CTNND2: variants seen among roughly 807,000 people sequenced by gnomAD.
CTNND2 encodes the protein catenin delta-2.
In CTNND2, 22 loss-of-function variants were observed where a neutral mutation model predicts 144.4. That is an observed-to-expected ratio of 0.15 (90% CI 0.11 to 0.22). The LOEUF (loss-of-function observed/expected upper bound fraction) is 0.22. Among genes scored for constraint, CTNND2 ranks in the 10% least tolerant of loss-of-function variants. The pLI, the probability that CTNND2 is intolerant of heterozygous loss-of-function variation, is 1.00. For missense variants in CTNND2, 1,353 were observed against 1,618.8 expected, an observed-to-expected ratio of 0.84 and a Z score of 2.82; for synonymous variants, 751 against 695.6, an observed-to-expected ratio of 1.08 and a Z score of -1.25.
At chr5:11,616,321 C>T (rs1780578333) in intron 2 of CTNND2, among the ~76,000 whole-genome samples, 1 of 152,160 alleles carries the variant, frequency 6.6e-6, no homozygotes, top group Admixed American at 6.5e-5. Flanking sequence ...TTTTCTCATG[C>T]ATTTACATTT....
At chr5:11,156,800 C>A (rs891186918) in intron 12 of CTNND2, among the ~76,000 whole-genome samples, 4 of 152,110 alleles carry the variant, frequency 2.6e-5, no homozygotes, top group African/African-American at 7.2e-5. Context: ...TAGGTCCTAG[C>A]AGGGAAGAAT....
chr5:11,070,053 C>T (rs573671097), intron 16 of CTNND2, among the ~76,000 whole-genome samples: 5 of 152,112 alleles, frequency 3.3e-5, no homozygotes, highest in South Asian at 2.1e-4. Flanking sequence ...ATAAAACGTC[C>T]GGCATACAAT....
intron 1 of CTNND2, among the ~76,000 whole-genome samples, chr5:11,797,778 T>C (rs1791476154): frequency 6.6e-6 from 1 of 152,220 alleles, no homozygotes; most frequent in Non-Finnish European, 1.5e-5. Context: ...TATCTATGTA[T>C]ATGAATAGTC....
chr5:11,129,304 A>ATATATAAATATATATAATATATAT (rs1561353985), intron 12 of CTNND2, among the ~76,000 whole-genome samples: 10 of 12,446 alleles, frequency 8.0e-4, no homozygotes, highest in African/African-American at 1.9e-3. Flanking sequence ...AATATATATT[A>ATATATAAATATATATAATATATAT]TATATATAAA....
At position 11,013,849 on chromosome 5, in the gene CTNND2, G is replaced by A. The variant is rs115220430; in HGVS notation, c.3084+4125C>T. Among the ~76,000 whole-genome samples the A allele has an allele frequency of 3.3e-3, 502 of 152,252 alleles. 3 individuals are homozygous for A. The highest frequency in any genetic ancestry group is 0.011 in the African/African-American group (477 of 41,566). Reference sequence around the variant, plus strand: ...GGCGATGGGACTGAGCTCTCACCCCGGGGTGTGAGCCCGAGACTGGCAACT... The same window carrying A: ...GGCGATGGGACTGAGCTCTCACCCCAGGGTGTGAGCCCGAGACTGGCAACT... On this transcript the variant is annotated intron_variant, in intron 18 of 21. Coordinates refer to ENST00000304623, the MANE Select transcript of CTNND2 (RefSeq NM_001332.4).
chr5:11,723,267 A>C (rs1460562127), intron 2 of CTNND2, among the ~76,000 whole-genome samples: 1 of 152,240 alleles, frequency 6.6e-6, no homozygotes, highest in Non-Finnish European at 1.5e-5. Context: ...AAAAAAGACA[A>C]AGACACATTT....
chr5:11,695,891 T>A (rs1422128111), intron 2 of CTNND2, among the ~76,000 whole-genome samples: 4 of 152,240 alleles, frequency 2.6e-5, no homozygotes, highest in Non-Finnish European at 5.9e-5. Context: ...ATCACTTAAC[T>A]ATATAATGAG....
intron 9 of CTNND2, among the ~76,000 whole-genome samples, chr5:11,259,140 A>C (rs1334726871): frequency 6.6e-6 from 1 of 152,186 alleles, no homozygotes; most frequent in East Asian, 1.9e-4. Context: ...TGAAAAACGA[A>C]AACTCAAGAC....
At chr5:11,034,502 C>T (rs1007414248) in intron 16 of CTNND2, among the ~76,000 whole-genome samples, 2 of 152,184 alleles carry the variant, frequency 1.3e-5, no homozygotes, top group African/African-American at 2.4e-5. Flanking sequence ...CACATATATG[C>T]GCTTCAAATA....
At chr5:11,596,037 G>T (rs1163998193) in intron 2 of CTNND2, among the ~76,000 whole-genome samples, 1 of 152,112 alleles carries the variant, frequency 6.6e-6, no homozygotes, top group Non-Finnish European at 1.5e-5. Flanking sequence ...ATGCACACAC[G>T]CAAGCGCAAC....
At chr5:11,628,815 A>T (rs931292887) in intron 2 of CTNND2, among the ~76,000 whole-genome samples, 1 of 152,058 alleles carries the variant, frequency 6.6e-6, no homozygotes, top group Non-Finnish European at 1.5e-5. Context: ...GAAGACTCGG[A>T]AAAACACAAA....
chr5:11,203,847 C>T (rs545957256), intron 10 of CTNND2, among the ~76,000 whole-genome samples: 24 of 152,250 alleles, frequency 1.6e-4, no homozygotes, highest in East Asian at 5.8e-4. Context: ...GAATTACATA[C>T]GGGGAAATGA....
At chr5:11,179,769 A>ATGTAATTGGCTTGGAGAT (rs1760825124) in intron 11 of CTNND2, among the ~76,000 whole-genome samples, 1 of 152,350 alleles carries the variant, frequency 6.6e-6, no homozygotes, top group African/African-American at 2.4e-5. Flanking sequence ...TATTTAAAAA[A>ATGTAATTGGCTTGGAGAT]ATATGTAATT....
chr5:11,589,227 C>T (rs982418566), intron 2 of CTNND2, among the ~76,000 whole-genome samples: 3 of 150,924 alleles, frequency 2.0e-5, no homozygotes, highest in Non-Finnish European at 3.0e-5. Flanking sequence ...TCTAATCTTC[C>T]GTTCCTTTGC....
intron 16 of CTNND2, among the ~76,000 whole-genome samples, chr5:11,033,854 C>T (rs1397919770): frequency 1.3e-5 from 2 of 151,948 alleles, no homozygotes; most frequent in South Asian, 4.2e-4. Flanking sequence ...ACAACAACAA[C>T]ATCTTTCACA....
chr5:11,325,268 T>A, intron 9 of CTNND2, among the ~76,000 whole-genome samples: 1 of 152,096 alleles, frequency 6.6e-6, no homozygotes, highest in Non-Finnish European at 1.5e-5. Flanking sequence ...TGCCTTGATA[T>A]TTCATTAAAC....
rs1735945518 is a variant in CTNND2, at chr5:10,972,515, T to G, written c.*938A>C. On this transcript the variant is annotated 3_prime_UTR_variant, in exon 22 of 22. Transcript: ENST00000304623. Reference sequence around the variant, plus strand: ...GATATAGGTTCTTGGAAATAGACATTCTTAGCAAATATGGATGACAGATCA... The same window carrying G: ...GATATAGGTTCTTGGAAATAGACATGCTTAGCAAATATGGATGACAGATCA... 3 of 152,612 alleles carry G rather than the reference T, an allele frequency of 2.0e-5. 1 individual carries two copies. The East Asian group carries it at 5.8e-4, about 29-fold the overall frequency. 9.5% of individuals were successfully genotyped at this position (152,612 alleles called of 1,614,324 possible). A position where few individuals can be genotyped will look rare whatever the true frequency, so the allele number is the denominator to read the frequency against.
intron 14 of CTNND2, among the ~76,000 whole-genome samples, chr5:11,109,250 C>G (rs1386104847): frequency 6.6e-6 from 1 of 152,166 alleles, no homozygotes; most frequent in Non-Finnish European, 1.5e-5. Context: ...AGCTCGTAGT[C>G]TGGTGCTTCT....
At chr5:11,001,538 A>C (rs1200055783) in intron 18 of CTNND2, among the ~76,000 whole-genome samples, 1 of 151,216 alleles carries the variant, frequency 6.6e-6, no homozygotes, top group African/African-American at 2.5e-5. Flanking sequence ...AGTATTAATT[A>C]TTGTAAAATG....
Sources: gnomAD v4.1 joint callset for allele counts (sites outside exome capture counted in the v4.1 genomes callset) on GRCh38, gnomAD v4.1.1 for gene constraint, MANE v1.5 for transcripts, NCBI Gene and HGNC (gene_info 2026-07-23, HGNC 2026-07-21) for gene names.